Variants in RAC2 observed in about 807,000 individuals in gnomAD.
RAC2 encodes Rac family small GTPase 2, also known as ras-related C3 botulinum toxin substrate 2.
In RAC2, 1 loss-of-function variant was observed where a neutral mutation model predicts 24.0. The observed-to-expected ratio is 0.04, with a 90% CI of 0.01 to 0.20. RAC2 has a LOEUF of 0.20. Among genes scored for constraint, RAC2 ranks in the 10% least tolerant of loss-of-function variants. The probability of loss-of-function intolerance (pLI) is 1.00; values close to 1 mark genes in which losing one functional copy is unlikely to be tolerated. For synonymous variants in RAC2, 114 were observed against 106.8 expected (o/e 1.07, Z -0.41); for missense variants, 130 against 259.1 (o/e 0.50, Z 3.42).
chr22:37,234,764 C>T (rs544002275), intron 2 of RAC2, among the ~76,000 whole-genome samples: 1 of 152,326 alleles, frequency 6.6e-6, no homozygotes, highest in South Asian at 2.1e-4. Flanking sequence ...GCCCCCACAC[C>T]CTCCAGGCTG....
chr22:37,240,486 C>G (rs1487146331), intron 2 of RAC2, among the ~76,000 whole-genome samples: 1 of 152,222 alleles, frequency 6.6e-6, no homozygotes, highest in Non-Finnish European at 1.5e-5. Flanking sequence ...TGCGCAGGGG[C>G]CAGCATGTGG....
intron 5 of RAC2, among the ~76,000 whole-genome samples, chr22:37,229,439 GTA>G (rs1233134205): frequency 1.3e-5 from 2 of 152,210 alleles, no homozygotes; most frequent in Non-Finnish European, 2.9e-5. Context: ...TTTCCTCTCT[GTA>G]AAGTGAAGGT....
At chr22:37,232,705 A>C in intron 3 of RAC2, 96 bp downstream of exon 3, 1 of 1,029,232 alleles carries the variant, frequency 9.7e-7, no homozygotes, top group Non-Finnish European at 1.5e-6. Flanking sequence ...GGGGAGAGGT[A>C]GGGTTTCCCA....
rs972228192 is a variant in RAC2 at position 37,241,769 on chromosome 22, C to T, written c.36-111G>A. Reference sequence around the variant, plus strand: ...CTCAGCATCCACCCAGCCTAGCCCTCTGGGCCTCCGTCTCCCCATGTGAGA... The same window carrying T: ...CTCAGCATCCACCCAGCCTAGCCCTTTGGGCCTCCGTCTCCCCATGTGAGA... On this transcript the variant is annotated intron_variant, in intron 1 of 6. Coordinates refer to ENST00000249071, the MANE Select transcript of RAC2 (RefSeq NM_002872.5). The T allele has an allele frequency of 3.2e-6, 3 of 952,114 alleles. No homozygotes were observed. The South Asian group carries it at 3.9e-5, about 12-fold the overall frequency. The allele number at this position is 952,114 out of a possible 1,614,324, so 59.0% of individuals were successfully genotyped here.
chr22:37,230,191 G>C (rs1302339118), intron 5 of RAC2, among the ~76,000 whole-genome samples: 2 of 151,854 alleles, frequency 1.3e-5, no homozygotes, highest in African/African-American at 4.8e-5. Context: ...CAGAAGGAGG[G>C]AGGTGGTGGC....
chr22:37,243,295 T>G (rs1569093576), intron 1 of RAC2, among the ~76,000 whole-genome samples: 1 of 152,184 alleles, frequency 6.6e-6, no homozygotes, highest in Non-Finnish European at 1.5e-5. Context: ...CCACTGCACC[T>G]GGCCTGGACC....
At chr22:37,226,531 A>G in intron 6 of RAC2, 140 bp downstream of exon 6, 1 of 1,102,436 alleles carries the variant, frequency 9.1e-7, no homozygotes, top group East Asian at 2.6e-5. Flanking sequence ...GATGACAAGT[A>G]GGCTGCGGAA....
intron 5 of RAC2, among the ~76,000 whole-genome samples, chr22:37,229,417 C>A (rs1355212927): frequency 6.6e-6 from 1 of 152,170 alleles, no homozygotes; most frequent in Non-Finnish European, 1.5e-5. Context: ...GCAACATGTC[C>A]CCCCGAGCCT....
At chr22:37,235,577 C>A (rs145736749) in intron 2 of RAC2, among the ~76,000 whole-genome samples, 167 of 152,332 alleles carry the variant, frequency 1.1e-3, no homozygotes, top group African/African-American at 3.8e-3. Flanking sequence ...GGCCAGCCCG[C>A]GGTCTGGTGC....
chr22:37,242,818 C>T (rs980662265), intron 1 of RAC2, among the ~76,000 whole-genome samples: 9 of 152,228 alleles, frequency 5.9e-5, no homozygotes, highest in African/African-American at 2.2e-4. Context: ...AAGTCGGGGC[C>T]ACAGGGCCCA....
intron 2 of RAC2, among the ~76,000 whole-genome samples, chr22:37,237,886 G>A (rs1215077777): frequency 1.3e-5 from 2 of 151,894 alleles, no homozygotes; most frequent in South Asian, 2.1e-4. Context: ...CTGTCGGGGG[G>A]CCTATGAAGA....
chr22:37,226,848 G>GAT, intron 5 of RAC2, 45 bp from the exon 6 acceptor site: 1 of 1,565,316 alleles, frequency 6.4e-7, no homozygotes, highest in Non-Finnish European at 8.7e-7. Flanking sequence ...AAGTGGCGGG[G>GAT]GGGGTTCTGG....
intron 1 of RAC2, 149 bp downstream of exon 1, chr22:37,243,965 G>T: frequency 1.9e-6 from 2 of 1,076,100 alleles, no homozygotes; most frequent in South Asian, 1.3e-5. Context: ...TGCTCCCTGT[G>T]GGCCCTCGGA....
chr22:37,243,001 AT>A (rs1009882509), intron 1 of RAC2, among the ~76,000 whole-genome samples: 12 of 149,586 alleles, frequency 8.0e-5, no homozygotes, highest in African/African-American at 2.7e-4. Context: ...CTGTCCTTTT[AT>A]TTTGTGTTTT....
chr22:37,237,197 A>AAGGAAGGG (rs1445930651), intron 2 of RAC2, among the ~76,000 whole-genome samples: 4 of 137,996 alleles, frequency 2.9e-5, no homozygotes, highest in East Asian at 2.5e-4. Context: ...GGAAGGAAGG[A>AAGGAAGGG]AGGAAGGGAG....
Position 37,231,129 on chromosome 22 carries a change from C to T in RAC2, c.448+102G>A. On this transcript the variant is annotated intron_variant, in intron 5 of 6. Coordinates refer to ENST00000249071, the MANE Select transcript of RAC2 (RefSeq NM_002872.5). The surrounding 1 kb of genome is among the most constrained non-coding windows in gnomAD (Gnocchi z 5.5). ...AGTGCACAGCACAGCTGAGTTCAAA[C>T]TGCACAGCCTGGCCCTGCAGCCCGT... is the stretch of plus-strand genomic sequence containing the variant. 2.1e-6 allele frequency: 3 copies of T among 1,431,078 alleles called. No individual in the cohort carries two copies. The highest frequency in any genetic ancestry group is 2.3e-5 in the South Asian group (2 of 86,448). 88.6% of individuals were successfully genotyped at this position (1,431,078 alleles called of 1,614,324 possible). A position where few individuals can be genotyped will look rare whatever the true frequency, so the allele number is the denominator to read the frequency against.
In RAC2 at chr22:37,231,837, C is replaced by A. The variant is rs1465811451; in HGVS notation, c.288+95G>T. On this transcript the variant is annotated intron_variant, in intron 4 of 6. Coordinates refer to ENST00000249071, the MANE Select transcript of RAC2 (RefSeq NM_002872.5). This position sits in a 1 kb window ranked among gnomAD's most constrained non-coding sequence, Gnocchi z 5.5. ...GGACCCTCTCTGTATGCGACCTCTG[C>A]TGCCCCAGGGACCAGCCTAGAGTCA... The A allele has an allele frequency of 6.4e-6, 9 of 1,412,954 alleles. No homozygotes were observed. In the Admixed American group the frequency reaches 9.9e-5, roughly 15 times the overall value. The allele number at this position is 1,412,954 out of a possible 1,614,324, so 87.5% of individuals were successfully genotyped here. A position where few individuals can be genotyped will look rare whatever the true frequency, so the allele number is the denominator to read the frequency against.
At chr22:37,238,118 T>C (rs575548102) in intron 2 of RAC2, among the ~76,000 whole-genome samples, 1 of 151,768 alleles carries the variant, frequency 6.6e-6, no homozygotes, top group South Asian at 2.1e-4. Flanking sequence ...TAAATGAGGC[T>C]GGGGAGACGG....
intron 2 of RAC2, among the ~76,000 whole-genome samples, chr22:37,240,514 G>A (rs1010568047): frequency 6.6e-6 from 1 of 152,094 alleles, no homozygotes; most frequent in Non-Finnish European, 1.5e-5. Flanking sequence ...TTGCTAGATG[G>A]TGGCTATGAT....
Sources: allele counts gnomAD v4.1 joint callset (sites outside exome capture counted in the v4.1 genomes callset), GRCh38; gene constraint gnomAD v4.1.1; non-coding constraint Gnocchi (gnomAD v3.1); transcripts MANE v1.5; gene names NCBI Gene and HGNC (gene_info 2026-07-23, HGNC 2026-07-21).